The following ICAM5 variants were observed in gnomAD, a reference collection of about 807,000 sequenced individuals.
The protein encoded by ICAM5 is ICAM-5.
A neutral mutation model predicts 78.8 loss-of-function variants in ICAM5; 38 were observed. The observed-to-expected ratio is 0.48, with a 90% CI of 0.37 to 0.63. The LOEUF (loss-of-function observed/expected upper bound fraction) is 0.63. Among genes scored for constraint, ICAM5 ranks in the 30% least tolerant of loss-of-function variants. The pLI is 0.00. For missense variants in ICAM5, 1,059 were observed against 1,303.0 expected (o/e 0.81, Z 2.88); for synonymous variants, 544 against 590.9 (o/e 0.92, Z 1.15).
chr19:10,292,962 C>T (rs375009422), intron 5 of ICAM5, 36 bp from the exon 6 acceptor site: 12 of 1,609,812 alleles, frequency 7.5e-6, no homozygotes, highest in East Asian at 4.5e-5. Flanking sequence ...CCATTTCTTA[C>T]GTCTAAGCCT....
At chr19:10,291,924 GT>G in intron 3 of ICAM5, 110 bp from the exon 4 acceptor site, 1 of 1,486,880 alleles carries the variant, frequency 6.7e-7, no homozygotes, top group South Asian at 1.2e-5. Flanking sequence ...CGGCTGAGCT[GT>G]TTCCCCCTCC....
chr19:10,296,283 G>A, intron 10 of ICAM5, 56 bp from the exon 11 acceptor site: 4 of 1,223,228 alleles, frequency 3.3e-6, no homozygotes, highest in Non-Finnish European at 4.1e-6. Flanking sequence ...TGCGGGGGGC[G>A]GTGGGAGAAG....
chr19:10,293,383 G>C lies in ICAM5; in HGVS notation c.1465+137G>C. 1 of 1,233,686 alleles carries C rather than the reference G, an allele frequency of 8.1e-7. No homozygotes were observed. Among genetic ancestry groups the C allele is most frequent in the African/African-American group, 1.5e-5 (1 of 66,458 alleles). The allele number at this position is 1,233,686 out of a possible 1,614,324, so 76.4% of individuals were successfully genotyped here. A position where few individuals can be genotyped will look rare whatever the true frequency, so the allele number is the denominator to read the frequency against. ...GGGAAAGGGAAGAGGCTGGTTAGTG[G>C]GGTTGGAGAAAGATCTTGGAGGATG... On this transcript the variant is annotated intron_variant, in intron 6 of 10. Coordinates refer to ENST00000221980, the MANE Select transcript of ICAM5 (RefSeq NM_003259.4). This position sits in a 1 kb window ranked among gnomAD's most constrained non-coding sequence, Gnocchi z 5.0.
chr19:10,292,364 C>G, intron 4 of ICAM5, 42 bp downstream of exon 4: 2 of 1,536,182 alleles, frequency 1.3e-6, no homozygotes, highest in Non-Finnish European at 1.8e-6. Flanking sequence ...GAGGTGGGAC[C>G]AGAGGAATGC....
chr19:10,296,487 G>T lies in ICAM5; in HGVS notation c.2646G>T (p.Val882=), dbSNP rs1182999105. 1 of 1,274,460 alleles carries T rather than the reference G, an allele frequency of 7.8e-7. No individual in the cohort carries two copies. The highest frequency in any genetic ancestry group is 2.5e-5 in the South Asian group (1 of 39,804). The allele number at this position is 1,274,460 out of a possible 1,614,324, so 78.9% of individuals were successfully genotyped here. A position where few individuals can be genotyped will look rare whatever the true frequency, so the allele number is the denominator to read the frequency against. The change falls in exon 11 of 11, where the codon GTG becomes GTT. Residue 882 remains valine, a synonymous_variant. Transcript: ENST00000221980. ...AGGCCGAGAGCTCAGGCGAGGCCGT[G>T]TGTCTGAACGGAGCGGGCGGCGGCG... ...VQEAESSGEA[V]CLNGAGGGAG...
rs541606142 is a variant in ICAM5, at chr19:10,293,348, G to T, written c.1465+102G>T. ...AGTAGGGTATGAGGTGTCCCTTTGG[G>T]TGAGGTTTTGGGAAAGGGAAGAGGC... is the stretch of plus-strand genomic sequence containing the variant. On this transcript the variant is annotated intron_variant, in intron 6 of 10. Coordinates refer to ENST00000221980, the MANE Select transcript of ICAM5 (RefSeq NM_003259.4). The surrounding 1 kb of genome is among the most constrained non-coding windows in gnomAD (Gnocchi z 5.0). 1 of 1,446,046 alleles carries T rather than the reference G, an allele frequency of 6.9e-7. No homozygotes were observed. The highest frequency in any genetic ancestry group is 2.3e-5 in the East Asian group (1 of 43,004). The allele number at this position is 1,446,046 out of a possible 1,614,324, so 89.6% of individuals were successfully genotyped here.
Position 10,293,607 on chromosome 19 carries a change from A to T in ICAM5, c.1466-91A>T. 6.6e-7 allele frequency: 1 copy of T among 1,513,958 alleles called. No individual in the cohort carries two copies. Among genetic ancestry groups the T allele is most frequent in the Non-Finnish European group, 8.9e-7 (1 of 1,118,862 alleles). The allele number at this position is 1,513,958 out of a possible 1,614,324, so 93.8% of individuals were successfully genotyped here. A position where few individuals can be genotyped will look rare whatever the true frequency, so the allele number is the denominator to read the frequency against. Reference sequence around the variant, plus strand: ...CGTCCAAGGGTTATGCAGGGACAACACTTCGTGGAAGCCTTGCCGCGCCAA... The same window carrying T: ...CGTCCAAGGGTTATGCAGGGACAACTCTTCGTGGAAGCCTTGCCGCGCCAA... On this transcript the variant is annotated intron_variant, in intron 6 of 10. Coordinates refer to ENST00000221980, the MANE Select transcript of ICAM5 (RefSeq NM_003259.4). This position sits in a 1 kb window ranked among gnomAD's most constrained non-coding sequence, Gnocchi z 5.0.
In ICAM5 at chr19:10,296,369, C is replaced by T; in HGVS notation, c.2528C>T (p.Ala843Val). Residue 843 changes from alanine to valine, a missense_variant, in exon 11 of 11, where the codon GCG (alanine) becomes GTG (valine). By Grantham distance (64) the Ala-to-Val change is moderately conservative. Around this residue, in one of 3 missense-constraint regions of ICAM5, gnomAD observed 109 missense variants for 120.0 expected, o/e 0.91. Transcript: ENST00000221980. ...TGGCTATGGGTCGCCGTGGGCGGCG[C>T]GGCGGGGGGCGCGGCGCTGCTGGCC... ...GPWLWVAVGG[A>V]AGGAALLAAG... The T allele has an allele frequency of 8.0e-7, 1 of 1,253,336 alleles. No individual in the cohort carries two copies. The highest frequency in any genetic ancestry group is 1.0e-6 in the Non-Finnish European group (1 of 991,442). 77.6% of individuals were successfully genotyped at this position (1,253,336 alleles called of 1,614,324 possible). A position where few individuals can be genotyped will look rare whatever the true frequency, so the allele number is the denominator to read the frequency against.
In ICAM5 at chr19:10,290,364, C is replaced by A; in HGVS notation, c.82+239C>A. The A allele has an allele frequency of 2.1e-6, 1 of 470,276 alleles. No individual in the cohort carries two copies. Among genetic ancestry groups the A allele is most frequent in the South Asian group, 3.6e-5 (1 of 28,058 alleles). The allele number at this position is 470,276 out of a possible 1,614,324, so 29.1% of individuals were successfully genotyped here. On this transcript the variant is annotated intron_variant, in intron 1 of 10. Transcript: ENST00000221980. This position sits in a 1 kb window ranked among gnomAD's most constrained non-coding sequence, Gnocchi z 5.7. ...TCCTAGGTGTTCTTCCGCACCCAAC[C>A]CTTCGCCCTGGAGACCCAGTGTCTC... is the stretch of plus-strand genomic sequence containing the variant.
intron 2 of ICAM5, 59 bp from the exon 3 acceptor site, chr19:10,291,430 C>T (rs1388917224): frequency 1.9e-6 from 3 of 1,607,560 alleles, no homozygotes; most frequent in South Asian, 2.2e-5. Flanking sequence ...CCCCTTCAGG[C>T]CCCACCTTCT....
At position 10,293,142 on chromosome 19, in the gene ICAM5, T is replaced by C. The variant is rs751662614; in HGVS notation, c.1361T>C (p.Leu454Pro). The change falls in exon 6 of 11, where the codon CTG becomes CCG. Residue 454 changes from leucine (L) to proline (P), a missense_variant. By Grantham distance (98) the Leu-to-Pro change is moderately conservative (BLOSUM62 -3). Around this residue, in one of 3 missense-constraint regions of ICAM5, gnomAD observed 815 missense variants for 952.8 expected, o/e 0.86. Coordinates refer to ENST00000221980, the MANE Select transcript of ICAM5 (RefSeq NM_003259.4). This position sits in a 1 kb window ranked among gnomAD's most constrained non-coding sequence, Gnocchi z 5.0. The part of the protein sequence containing the change: ...ARSDGGAVLA[L>P]GLLGPVTRAL... Reference sequence around the variant, plus strand: ...TCCGACGGCGGGGCCGTGCTGGCTCTGGGCCTGCTGGGTCCAGTCACTCGG... The same window carrying C: ...TCCGACGGCGGGGCCGTGCTGGCTCCGGGCCTGCTGGGTCCAGTCACTCGG... 1 of 1,610,866 alleles carries C rather than the reference T, an allele frequency of 6.2e-7. No individual in the cohort carries two copies. The highest frequency in any genetic ancestry group is 8.5e-7 in the Non-Finnish European group (1 of 1,178,844).
chr19:10,292,368 G>A, intron 4 of ICAM5, 46 bp downstream of exon 4: 3 of 1,530,350 alleles, frequency 2.0e-6, no homozygotes, highest in Non-Finnish European at 2.6e-6. Flanking sequence ...TGGGACCAGA[G>A]GAATGCGAAG....
chr19:10,292,860 G>A lies in ICAM5; in HGVS notation c.1210G>A (p.Val404Ile). Residue 404 changes from valine (V) to isoleucine (I), a missense_variant, in exon 5 of 11, where the codon GTC becomes ATC. This residue lies in a region of ICAM5 where 815 missense variants were observed against 952.8 expected (regional missense o/e 0.86). Transcript: ENST00000221980. ...CAAGAACAGGAGCGCAGAGCTTCGT[G>A]TCCTATGTGAGTTGGTGATAACCCC... ...LIKNRSAELR[V>I]LYAPRLDDSD... is the part of the protein sequence containing the mutation. 6.2e-7 allele frequency: 1 copy of A among 1,611,894 alleles called. No individual in the cohort carries two copies. The highest frequency in any genetic ancestry group is 8.5e-7 in the Non-Finnish European group (1 of 1,179,178).
At chr19:10,296,279 G>A in intron 10 of ICAM5, 60 bp from the exon 11 acceptor site, 7 of 1,223,420 alleles carry the variant, frequency 5.7e-6, no homozygotes, top group Non-Finnish European at 5.1e-6. Flanking sequence ...GGAGTGCGGG[G>A]GGCGGTGGGA....
chr19:10,290,722 T>TCATCCCC lies in ICAM5; in HGVS notation c.83-336_83-330dup, dbSNP rs960381663. 1 of 384,454 alleles carries TCATCCCC rather than the reference T, an allele frequency of 2.6e-6. No individual in the cohort carries two copies. Among genetic ancestry groups the TCATCCCC allele is most frequent in the African/African-American group, 2.1e-5 (1 of 48,104 alleles). 23.8% of individuals were successfully genotyped at this position (384,454 alleles called of 1,614,324 possible). The stretch of plus-strand genomic sequence containing the variant: ...TTCTGCCAGGACCCTGAGAACTGGT[T>TCATCCCC]CATCCCCCATCCCCCATCCCGGGTC... On this transcript the variant is annotated intron_variant, in intron 1 of 10. Transcript: ENST00000221980. This position sits in a 1 kb window ranked among gnomAD's most constrained non-coding sequence, Gnocchi z 5.7.
rs1345494819 is a variant in ICAM5, at chr19:10,295,455, C to T, written c.2340C>T (p.Ser780=). ...AGGCCTGGCCTCCAGCCCAGATCAG[C>T]TGGCGCGCGCCCCCGGGGGCCCTCA... ...RAEAWPPAQI[S]WRAPPGALNI... is the part of the protein sequence containing the mutation. The change falls in exon 10 of 11, where the codon AGC becomes AGT. Residue 780 remains serine (S), a synonymous_variant. Coordinates refer to ENST00000221980, the MANE Select transcript of ICAM5 (RefSeq NM_003259.4). 1 of 1,602,576 alleles carries T rather than the reference C, an allele frequency of 6.2e-7. No individual in the cohort carries two copies. Among genetic ancestry groups the T allele is most frequent in the East Asian group, 2.3e-5 (1 of 44,112 alleles).
chr19:10,292,278 T>TG lies in ICAM5; in HGVS notation c.923dup (p.Glu309ArgfsTer167). On this transcript the variant is annotated frameshift_variant, in exon 4 of 11. Coordinates refer to ENST00000221980, the MANE Select transcript of ICAM5 (RefSeq NM_003259.4). LOFTEE classifies it high-confidence loss of function. ...AGGCAGCTGGTCTGCAACGTCACCC[T>TG]GGGGGGCGAAAACCGGGAGACCCGG... is the stretch of plus-strand genomic sequence containing the variant. 1 of 1,611,930 alleles carries TG rather than the reference T, an allele frequency of 6.2e-7. No individual in the cohort carries two copies. Among genetic ancestry groups the TG allele is most frequent in the Non-Finnish European group, 8.5e-7 (1 of 1,179,564 alleles).
At position 10,294,899 on chromosome 19, in the gene ICAM5, C is replaced by T. The variant is rs1055375205; in HGVS notation, c.2230+259C>T. 4.6e-5 allele frequency among the ~76,000 whole-genome samples: 7 copies of T among 152,076 alleles called. No homozygotes were observed. The highest frequency in any genetic ancestry group is 1.0e-4 in the Non-Finnish European group (7 of 68,010). On this transcript the variant is annotated intron_variant, in intron 9 of 10. Coordinates refer to ENST00000221980, the MANE Select transcript of ICAM5 (RefSeq NM_003259.4). This position sits in a 1 kb window ranked among gnomAD's most constrained non-coding sequence, Gnocchi z 7.7. ...CGGCCAACATGGCGAAAACCCGTCT[C>T]TACAAAAATTAGCCGGTCGTGGTGG...
rs974071844 is a variant in ICAM5, at chr19:10,295,659, C to A, written c.2497+47C>A. On this transcript the variant is annotated intron_variant, in intron 10 of 10. Coordinates refer to ENST00000221980, the MANE Select transcript of ICAM5 (RefSeq NM_003259.4). ...GCGGGGCGAGGTATCTGAGAGGGGG[C>A]GTGACCTGGGTCTTGGGGCGGCCGG... The A allele has an allele frequency of 4.6e-6, 7 of 1,507,070 alleles. No individual in the cohort carries two copies. The East Asian group carries it at 1.5e-4, about 32-fold the overall frequency. 93.4% of individuals were successfully genotyped at this position (1,507,070 alleles called of 1,614,324 possible). A position where few individuals can be genotyped will look rare whatever the true frequency, so the allele number is the denominator to read the frequency against.
Sources: allele counts gnomAD v4.1 joint callset (sites outside exome capture counted in the v4.1 genomes callset), GRCh38; gene constraint gnomAD v4.1.1; regional missense constraint gnomAD v4.1.1; non-coding constraint Gnocchi (gnomAD v3.1); transcripts MANE v1.5; gene names NCBI Gene and HGNC (gene_info 2026-07-23, HGNC 2026-07-21).